Variants in LRRC49 observed in about 807,000 individuals in gnomAD.
The protein encoded by LRRC49 is leucine rich repeat containing 49.
Under a neutral mutation model 83.3 loss-of-function variants are expected in LRRC49, and 50 were observed. The ratio of observed to expected loss-of-function variants is 0.60; its 90% confidence interval spans 0.48 to 0.76. The LOEUF is 0.76. Among genes scored for constraint, LRRC49 ranks in the 30% least tolerant of loss-of-function variants. LRRC49 has a pLI of 0.00. For missense variants in LRRC49, 704 were observed against 809.1 expected (o/e 0.87, Z 1.58); for synonymous variants, 286 against 283.3 (o/e 1.01, Z -0.10).
chr15:71,048,433 A>C (rs2039920240), intron 15 of LRRC49, among the ~76,000 whole-genome samples: 1 of 152,044 alleles, frequency 6.6e-6, no homozygotes, highest in South Asian at 2.1e-4. Flanking sequence ...TTTATCTTGA[A>C]ATTATTTTGG....
chr15:70,925,716 A>T (rs370324444), intron 7 of LRRC49, among the ~76,000 whole-genome samples: 1 of 152,174 alleles, frequency 6.6e-6, no homozygotes, highest in South Asian at 2.1e-4. Context: ...AATGTTCTTA[A>T]TGGCATAGAA....
At chr15:70,854,952 C>A (rs1264325029) in intron 1 of LRRC49, among the ~76,000 whole-genome samples, 1 of 152,170 alleles carries the variant, frequency 6.6e-6, no homozygotes, top group Non-Finnish European at 1.5e-5. Context: ...TGTTCTAAAA[C>A]ACTGCCACCT....
At chr15:70,925,674 T>G (rs953675049) in intron 7 of LRRC49, among the ~76,000 whole-genome samples, 1 of 152,174 alleles carries the variant, frequency 6.6e-6, no homozygotes, top group African/African-American at 2.4e-5. Flanking sequence ...TATACAATAA[T>G]GGAACACACT....
chr15:70,909,838 A>AC, intron 5 of LRRC49, among the ~76,000 whole-genome samples: 8 of 131,518 alleles, frequency 6.1e-5, no homozygotes, highest in South Asian at 2.6e-4. Flanking sequence ...ACTCCATCTC[A>AC]AACACACACA....
chr15:70,854,286 A>G, intron 1 of LRRC49: 1 of 190,438 alleles, frequency 5.3e-6, no homozygotes, highest in Non-Finnish European at 9.8e-6. Context: ...CCGCTAGTGG[A>G]GCGCCCGCGC....
chr15:70,965,158 A>G lies in LRRC49; in HGVS notation c.921+1226A>G, dbSNP rs146022784. On this transcript the variant is annotated intron_variant, in intron 9 of 15. Coordinates refer to ENST00000260382, the MANE Select transcript of LRRC49 (RefSeq NM_017691.5). ...GTTAAGCATCTATGCTACTTCTTAA[A>G]TTGCTCTTTCTAATGAGGTTGAGAT... Among the ~76,000 whole-genome samples, 465 of 152,244 alleles carry G rather than the reference A, an allele frequency of 3.1e-3. 6 individuals are homozygous for G. Among genetic ancestry groups the G allele is most frequent in the Middle Eastern group, 0.01 (3 of 294 alleles).
chr15:71,029,890 C>G (rs1016600153), intron 14 of LRRC49, among the ~76,000 whole-genome samples: 8 of 151,596 alleles, frequency 5.3e-5, no homozygotes, highest in South Asian at 2.1e-4. Flanking sequence ...TTCTCCATCC[C>G]TTTATTTTGA....
At chr15:70,909,096 G>A (rs997535123) in intron 5 of LRRC49, among the ~76,000 whole-genome samples, 3 of 152,134 alleles carry the variant, frequency 2.0e-5, no homozygotes, top group Admixed American at 6.5e-5. Flanking sequence ...AGGTGCTCAG[G>A]ATTTCTCATA....
chr15:70,969,800 A>G (rs1469956961), intron 9 of LRRC49, among the ~76,000 whole-genome samples: 1 of 152,116 alleles, frequency 6.6e-6, no homozygotes, highest in Non-Finnish European at 1.5e-5. Context: ...GTGTATAGGA[A>G]TGCTTGTGAT....
At chr15:71,001,943 G>A (rs1329877708) in intron 11 of LRRC49, among the ~76,000 whole-genome samples, 6 of 152,102 alleles carry the variant, frequency 3.9e-5, no homozygotes, top group African/African-American at 1.2e-4. Context: ...CGCCCACCTC[G>A]GCCTCCCAAA....
intron 1 of LRRC49, among the ~76,000 whole-genome samples, chr15:70,869,878 T>A (rs1457501189): frequency 1.3e-5 from 2 of 152,226 alleles, no homozygotes; most frequent in African/African-American, 4.8e-5. Flanking sequence ...TTTGCTTTTT[T>A]AAAATCAGCT....
chr15:70,979,187 TA>T (rs1218409480), intron 9 of LRRC49, among the ~76,000 whole-genome samples: 7 of 152,122 alleles, frequency 4.6e-5, no homozygotes, highest in South Asian at 2.1e-4. Flanking sequence ...TTATAACCTT[TA>T]AAAAAATTGC....
intron 13 of LRRC49, 41 bp downstream of exon 13, chr15:71,010,033 C>A: frequency 8.2e-7 from 1 of 1,225,478 alleles, no homozygotes; most frequent in Non-Finnish European, 1.1e-6. Context: ...AAAAATATTC[C>A]TTCTTAGTGA....
chr15:70,856,019 G>T (rs538830292), intron 1 of LRRC49, among the ~76,000 whole-genome samples: 15 of 152,168 alleles, frequency 9.9e-5, no homozygotes, highest in African/African-American at 3.4e-4. Context: ...ATCTCGTGTG[G>T]CAAAGACATC....
chr15:70,988,911 T>G (rs1374414861), intron 11 of LRRC49, among the ~76,000 whole-genome samples: 48 of 152,152 alleles, frequency 3.2e-4, no homozygotes, highest in African/African-American at 6.3e-4. Context: ...AGTTTGGCTG[T>G]ATATGAAATT....
At chr15:70,853,905 G>T in intron 1 of LRRC49, 1 of 1,354,102 alleles carries the variant, frequency 7.4e-7, no homozygotes, top group Non-Finnish European at 9.5e-7. Flanking sequence ...CCGCGGCTCG[G>T]CTCCTCCTCG....
At chr15:70,978,389 T>C (rs142302563) in intron 9 of LRRC49, among the ~76,000 whole-genome samples, 18 of 152,262 alleles carry the variant, frequency 1.2e-4, no homozygotes, top group African/African-American at 4.1e-4. Flanking sequence ...TACATTGTCT[T>C]TGAAAGTTTT....
chr15:70,968,761 A>G (rs1362571871), intron 9 of LRRC49, among the ~76,000 whole-genome samples: 2 of 151,442 alleles, frequency 1.3e-5, no homozygotes, highest in South Asian at 2.1e-4. Flanking sequence ...TTCATGTTTG[A>G]TGGCTACATA....
intron 1 of LRRC49, 75 bp from the exon 2 acceptor site, chr15:70,893,509 T>G: frequency 1.2e-6 from 1 of 850,808 alleles, no homozygotes; most frequent in East Asian, 2.5e-5. Context: ...TATTTCTGTT[T>G]GTACCTTTTT....
Sources: allele counts gnomAD v4.1 joint callset (sites outside exome capture counted in the v4.1 genomes callset), GRCh38; gene constraint gnomAD v4.1.1; transcripts MANE v1.5; gene names NCBI Gene and HGNC (gene_info 2026-07-23, HGNC 2026-07-21).